The following GAB3 variants were observed in gnomAD, a reference collection of about 807,000 sequenced individuals.
The protein encoded by GAB3 is GRB2 associated binding protein 3.
In GAB3, 12 loss-of-function variants were observed where a neutral mutation model predicts 40.4. The observed-to-expected ratio is 0.30, with a 90% CI of 0.19 to 0.48. The LOEUF (loss-of-function observed/expected upper bound fraction) is 0.48. Among genes scored for constraint, GAB3 ranks in the 20% least tolerant of loss-of-function variants. The pLI, the probability that GAB3 is intolerant of heterozygous loss-of-function variation, is 0.99. For synonymous variants in GAB3, 154 were observed against 176.7 expected (o/e 0.87, Z 1.02); for missense variants, 381 against 461.9 (o/e 0.82, Z 1.61).
chrX:154,702,789 CAT>C (rs1203798525), intron 4 of GAB3, among the ~76,000 whole-genome samples: 2 of 112,093 alleles, frequency 1.8e-5, no homozygotes, highest in Non-Finnish European at 3.8e-5. Context: ...AGAAGACAAA[CAT>C]ATGACAAACA....
At chrX:154,697,743 T>C (rs1044971862) in intron 6 of GAB3, among the ~76,000 whole-genome samples, 3 of 112,124 alleles carry the variant, frequency 2.7e-5, no homozygotes, top group Non-Finnish European at 5.6e-5. Flanking sequence ...TACTTACCCT[T>C]CACAGCACAG....
chrX:154,713,298 T>C lies in GAB3; in HGVS notation c.505A>G (p.Thr169Ala), dbSNP rs924359842. 3.3e-6 allele frequency: 4 copies of C among 1,210,536 alleles called. No individual in the cohort carries two copies. The highest frequency in any genetic ancestry group is 4.3e-5 in the Admixed American group (2 of 45,986). Residue 169 changes from threonine (T) to alanine (A), a missense_variant, in exon 3 of 10, where the codon ACT becomes GCT. Physicochemically the swap from Thr to Ala is moderately conservative, Grantham distance 58 (BLOSUM62 0). Transcript: ENST00000424127. ...TCTGACTCACTTCTGGTTTCCTCAG[T>C]GGCTACGGCATTAGTGTTTGGGTCA... ...RDDPNTNAVA[T>A]EETRSESELL...
chrX:154,744,961 T>C (rs1238974727), intron 1 of GAB3, among the ~76,000 whole-genome samples: 1 of 112,123 alleles, frequency 8.9e-6, no homozygotes, highest in Admixed American at 9.4e-5. Flanking sequence ...AGGGGAAAAT[T>C]AAATAATACT....
At chrX:154,678,609 T>C (rs1557246135) in intron 9 of GAB3, among the ~76,000 whole-genome samples, 1 of 112,225 alleles carries the variant, frequency 8.9e-6, no homozygotes, top group Non-Finnish European at 1.9e-5. Flanking sequence ...AAATCTCATC[T>C]TGAATTGTAG....
At chrX:154,740,684 A>G (rs782466348) in intron 1 of GAB3, among the ~76,000 whole-genome samples, 14 of 111,751 alleles carry the variant, frequency 1.3e-4, no homozygotes, top group Non-Finnish European at 2.3e-4. Flanking sequence ...TTGCTGAGGT[A>G]GCCCACGACC....
chrX:154,717,930 C>G (rs1557257972), intron 1 of GAB3, among the ~76,000 whole-genome samples: 2 of 111,588 alleles, frequency 1.8e-5, no homozygotes, highest in African/African-American at 6.5e-5. Flanking sequence ...ATGGCATTAG[C>G]CCCAGTTGGG....
In GAB3 at chrX:154,720,605, C is replaced by T. The variant is rs369802963; in HGVS notation, c.73-4276G>A. Among the ~76,000 whole-genome samples, 149 of 83,614 alleles carry T rather than the reference C, an allele frequency of 1.8e-3. 1 individual carries two copies. Among genetic ancestry groups the T allele is most frequent in the African/African-American group, 7.0e-3 (143 of 20,519 alleles). 72.6% of individuals were successfully genotyped at this position (83,614 alleles called of 115,157 possible). Reference sequence around the variant, plus strand: ...TCGCGCCACTGCACTCCAGCCTGGGCGACAGAGCGAGACTCCGTCTCAAAA... The same window carrying T: ...TCGCGCCACTGCACTCCAGCCTGGGTGACAGAGCGAGACTCCGTCTCAAAA... On this transcript the variant is annotated intron_variant, in intron 1 of 9. Coordinates refer to ENST00000424127, the MANE Select transcript of GAB3 (RefSeq NM_001081573.3).
chrX:154,703,426 C>T (rs897792617), intron 4 of GAB3, among the ~76,000 whole-genome samples: 4 of 111,517 alleles, frequency 3.6e-5, no homozygotes, highest in Non-Finnish European at 7.5e-5. Context: ...CACATGCTCT[C>T]ACTTATAAAA....
intron 1 of GAB3, among the ~76,000 whole-genome samples, chrX:154,742,269 T>C (rs782128578): frequency 8.9e-6 from 1 of 111,825 alleles, no homozygotes; most frequent in Non-Finnish European, 1.9e-5. Context: ...AGGGGGAAAT[T>C]TGTAGCACTA....
At chrX:154,709,145 C>G (rs6643694) in intron 4 of GAB3, among the ~76,000 whole-genome samples, 50,770 of 109,143 alleles carry the variant, frequency 0.47, 10,330 homozygotes, top group East Asian at 0.72. Flanking sequence ...TCCCCCTTCA[C>G]TCTCTTCCTC....
intron 2 of GAB3, 116 bp downstream of exon 2, chrX:154,715,910 T>C: frequency 1.5e-6 from 1 of 677,463 alleles, no homozygotes; most frequent in South Asian, 2.6e-5. Context: ...TGATATAAAT[T>C]AGCCTGCCAA....
chrX:154,707,153 C>A (rs1291885776), intron 4 of GAB3, among the ~76,000 whole-genome samples: 1 of 111,219 alleles, frequency 9.0e-6, no homozygotes, highest in Admixed American at 9.6e-5. Flanking sequence ...ACAGGACAAT[C>A]TCCCTCATGA....
chrX:154,739,072 C>A (rs782165798), intron 1 of GAB3, among the ~76,000 whole-genome samples: 2 of 111,936 alleles, frequency 1.8e-5, no homozygotes, highest in South Asian at 3.7e-4. Context: ...CTAATTAAAT[C>A]ATCATCTAGT....
intron 4 of GAB3, among the ~76,000 whole-genome samples, chrX:154,709,206 A>G (rs2070873667): frequency 9.0e-6 from 1 of 110,600 alleles, no homozygotes; most frequent in Non-Finnish European, 1.9e-5. Flanking sequence ...TTCTTCCATG[A>G]TTGTAAGTTT....
At chrX:154,694,331 T>C (rs1470303266) in intron 8 of GAB3, among the ~76,000 whole-genome samples, 2 of 111,243 alleles carry the variant, frequency 1.8e-5, no homozygotes, top group Non-Finnish European at 3.8e-5. Context: ...TCAGTGATTA[T>C]AAACCTAGGT....
At chrX:154,704,449 A>G (rs1557253085) in intron 4 of GAB3, among the ~76,000 whole-genome samples, 1 of 112,023 alleles carries the variant, frequency 8.9e-6, no homozygotes, top group Non-Finnish European at 1.9e-5. Flanking sequence ...TGATGTGATT[A>G]TTTCACATTG....
At chrX:154,705,395 A>G (rs1365900700) in intron 4 of GAB3, among the ~76,000 whole-genome samples, 2 of 112,039 alleles carry the variant, frequency 1.8e-5, no homozygotes, top group Non-Finnish European at 3.8e-5. Context: ...CAAACAATAC[A>G]TCATAAAGAT....
chrX:154,735,791 C>T (rs942270610), intron 1 of GAB3, among the ~76,000 whole-genome samples: 2 of 111,915 alleles, frequency 1.8e-5, no homozygotes, highest in African/African-American at 6.5e-5. Flanking sequence ...CTTACTCAGA[C>T]GAAAAGCCAA....
chrX:154,733,589 T>C (rs1309796829), intron 1 of GAB3, among the ~76,000 whole-genome samples: 1 of 112,393 alleles, frequency 8.9e-6, no homozygotes, highest in East Asian at 2.8e-4. Context: ...TATTTTCATG[T>C]AGCAAAAATC....
Sources: gnomAD v4.1 joint callset for allele counts (sites outside exome capture counted in the v4.1 genomes callset) on GRCh38, gnomAD v4.1.1 for gene constraint, MANE v1.5 for transcripts, NCBI Gene and HGNC (gene_info 2026-07-23, HGNC 2026-07-21) for gene names.